The following STIM1 variants were observed in gnomAD, a reference collection of about 807,000 sequenced individuals.
The protein encoded by STIM1 is stromal interaction molecule 1.
Under a neutral mutation model 74.7 loss-of-function variants are expected in STIM1, and 25 were observed. That is an observed-to-expected ratio of 0.33 (90% CI 0.24 to 0.47). The LOEUF (loss-of-function observed/expected upper bound fraction) is 0.47, where lower values mean the gene tolerates loss of function less well. STIM1 is among the 20% of genes least tolerant of loss of function. The pLI is 1.00. For missense variants in STIM1, 728 were observed against 920.8 expected (o/e 0.79, Z 2.71); for synonymous variants, 328 against 348.8 (o/e 0.94, Z 0.66).
At chr11:4,064,055 T>C (rs913472756) in intron 5 of STIM1, among the ~76,000 whole-genome samples, 1 of 152,210 alleles carries the variant, frequency 6.6e-6, no homozygotes, top group Non-Finnish European at 1.5e-5. Context: ...AATGGGTTTG[T>C]TCATTAAAGG....
intron 1 of STIM1, among the ~76,000 whole-genome samples, chr11:3,864,434 G>C (rs187430813): frequency 8.5e-5 from 13 of 152,168 alleles, no homozygotes; most frequent in Admixed American, 6.5e-4. Flanking sequence ...ACTCTATTTG[G>C]GGGGAGAGTG....
intron 2 of STIM1, among the ~76,000 whole-genome samples, chr11:3,975,753 ATAT>A (rs2093441854): frequency 6.6e-6 from 1 of 152,258 alleles, no homozygotes; most frequent in South Asian, 2.1e-4. Flanking sequence ...AAGATACTCA[ATAT>A]TATTAACCAT....
intron 1 of STIM1, among the ~76,000 whole-genome samples, chr11:3,859,439 G>A (rs2090513820): frequency 6.6e-6 from 1 of 152,186 alleles, no homozygotes; most frequent in Non-Finnish European, 1.5e-5. Context: ...GCTTGGAACC[G>A]TCCTTAGACT....
rs2094475533 is a variant in STIM1 at position 4,083,408 on chromosome 11, G to A, written c.1384G>A (p.Gly462Ser). The change falls in exon 10 of 13, where the codon GGC (glycine) becomes AGC (serine). Residue 462 changes from glycine to serine, a missense_variant. Physicochemically the swap from Gly to Ser is moderately conservative, Grantham distance 56. This residue lies in a region of STIM1 where 352 missense variants were observed against 370.1 expected (regional missense o/e 0.95). Transcript: ENST00000526596. ...CCTCAACATAGACCCCAGCTGGATG[G>A]GCAGTACACGCCCCAACCCTGCTCA... is the stretch of plus-strand genomic sequence containing the variant. ...AALNIDPSWM[G>S]STRPNPAHFI... is the part of the protein sequence containing the mutation. The A allele has an allele frequency of 6.2e-7, 1 of 1,614,246 alleles. No individual in the cohort carries two copies. Among genetic ancestry groups the A allele is most frequent in the East Asian group, 2.2e-5 (1 of 44,878 alleles).
Position 3,866,313 on chromosome 11 carries a change from A to G in STIM1, c.139+9904A>G, listed in dbSNP as rs17277579. Among the ~76,000 whole-genome samples the G allele has an allele frequency of 4.5e-3, 679 of 152,214 alleles. 7 individuals are homozygous for G. Among genetic ancestry groups the G allele is most frequent in the Middle Eastern group, 0.017 (5 of 294 alleles). On this transcript the variant is annotated intron_variant, in intron 1 of 12. Transcript: ENST00000526596. Reference sequence around the variant, plus strand: ...CCTCTATGAAGTCTTTCCTGACACTAATTCTAGCTGTGAGATACTGCTGAC... The same window carrying G: ...CCTCTATGAAGTCTTTCCTGACACTGATTCTAGCTGTGAGATACTGCTGAC...
At position 4,086,683 on chromosome 11, in the gene STIM1, T is replaced by C. The variant is rs1221722368; in HGVS notation, c.1634+140T>C. ...ATCTGCCTCTGCTGCTGCTTCTTGC[T>C]CCTCTTCCATCACCACCATCACCAC... is the stretch of plus-strand genomic sequence containing the variant. On this transcript the variant is annotated intron_variant, in intron 12 of 12. Coordinates refer to ENST00000526596, the MANE Select transcript of STIM1 (RefSeq NM_001382567.1). 3 of 1,541,876 alleles carry C rather than the reference T, an allele frequency of 1.9e-6. No individual in the cohort carries two copies. The South Asian group carries it at 3.6e-5, about 18-fold the overall frequency.
intron 3 of STIM1, among the ~76,000 whole-genome samples, chr11:4,034,045 A>G (rs1356140443): frequency 6.6e-6 from 1 of 151,688 alleles, no homozygotes; most frequent in Admixed American, 6.6e-5. Flanking sequence ...CCTGGCCAAC[A>G]TTGTGAAACC....
rs372413786 is a variant in STIM1 at position 3,924,188 on chromosome 11, CTTTTT to C, written c.140-43359_140-43355del. On this transcript the variant is annotated intron_variant, in intron 1 of 12. Transcript: ENST00000526596. ...GTTGTCTTGTAGTGGTCTTATATAT[CTTTTT>C]TTTTCTTTTCTTTTTTTTTTTTTGA... Among the ~76,000 whole-genome samples, 218 of 145,910 alleles carry C rather than the reference CTTTTT, an allele frequency of 1.5e-3. 4 individuals carry two copies. In the East Asian group the frequency reaches 0.042, roughly 28 times the overall value.
At chr11:3,967,752 C>T in intron 2 of STIM1, 70 bp downstream of exon 2, 1 of 1,602,628 alleles carries the variant, frequency 6.2e-7, no homozygotes, top group Non-Finnish European at 8.5e-7. Flanking sequence ...GCTACTTAGA[C>T]AGCCTCTTCC....
At chr11:4,052,226 T>G (rs1169644738) in intron 3 of STIM1, among the ~76,000 whole-genome samples, 1 of 152,202 alleles carries the variant, frequency 6.6e-6, no homozygotes, top group Non-Finnish European at 1.5e-5. Context: ...AAGCTACCAA[T>G]GAATTTTTTC....
chr11:3,883,019 G>C (rs77816260), intron 1 of STIM1, among the ~76,000 whole-genome samples: 1 of 93,218 alleles, frequency 1.1e-5, no homozygotes, highest in Non-Finnish European at 2.9e-5. Flanking sequence ...TAAGTTGTTT[G>C]TTTTTTTGTT....
rs2091094644 is a variant in STIM1 at position 3,871,473 on chromosome 11, G to C, written c.139+15064G>C. 2.6e-5 allele frequency among the ~76,000 whole-genome samples: 4 copies of C among 152,140 alleles called. No individual in the cohort carries two copies. In the South Asian group the frequency reaches 8.3e-4, roughly 32 times the overall value. On this transcript the variant is annotated intron_variant, in intron 1 of 12. Coordinates refer to ENST00000526596, the MANE Select transcript of STIM1 (RefSeq NM_001382567.1). ...AGGGGTATTGTTAGGTAGTAGGGCT[G>C]TGGTTATGTCAGCTCTGTGTCATGG...
chr11:4,013,867 G>C (rs963375804), intron 2 of STIM1, among the ~76,000 whole-genome samples: 15 of 151,580 alleles, frequency 9.9e-5, no homozygotes, highest in African/African-American at 3.6e-4. Flanking sequence ...ACCATGCCTG[G>C]CTAATTTTTT....
At position 3,915,310 on chromosome 11, in the gene STIM1, G is replaced by A. The variant is rs575833031; in HGVS notation, c.140-52242G>A. On this transcript the variant is annotated intron_variant, in intron 1 of 12. Transcript: ENST00000526596. ...TTGCTATGTTGCCCAGGTGCATCTC[G>A]AATTCCCGGGCTCAAGCAATACACC... Among the ~76,000 whole-genome samples the A allele has an allele frequency of 5.3e-5, 8 of 152,088 alleles. No homozygotes were observed. The South Asian group carries it at 1.2e-3, about 24-fold the overall frequency.
intron 3 of STIM1, among the ~76,000 whole-genome samples, chr11:4,037,134 C>T (rs2094110555): frequency 6.6e-6 from 1 of 151,836 alleles, no homozygotes; most frequent in Admixed American, 6.6e-5. Flanking sequence ...CGGCTCACTG[C>T]AACCTCCGCC....
chr11:4,021,589 G>A (rs1314415046), intron 2 of STIM1, among the ~76,000 whole-genome samples: 1 of 152,148 alleles, frequency 6.6e-6, no homozygotes, highest in Non-Finnish European at 1.5e-5. Flanking sequence ...CTATTGTTTT[G>A]GAGAATATTT....
intron 2 of STIM1, among the ~76,000 whole-genome samples, chr11:3,968,401 A>G (rs903589042): frequency 2.0e-5 from 3 of 152,210 alleles, no homozygotes; most frequent in African/African-American, 7.2e-5. Flanking sequence ...ATAGTGATGT[A>G]GTTATATCAC....
At chr11:3,924,530 A>G (rs1235990507) in intron 1 of STIM1, among the ~76,000 whole-genome samples, 1 of 151,814 alleles carries the variant, frequency 6.6e-6, no homozygotes, top group Non-Finnish European at 1.5e-5. Flanking sequence ...TTTCCCCCCT[A>G]AGTATTTGAT....
chr11:4,072,166 C>G (rs2094407898), intron 6 of STIM1, among the ~76,000 whole-genome samples: 1 of 152,156 alleles, frequency 6.6e-6, no homozygotes, highest in African/African-American at 2.4e-5. Flanking sequence ...GCTTCCAGAG[C>G]TAAATGACCA....
Sources: allele counts gnomAD v4.1 joint callset (sites outside exome capture counted in the v4.1 genomes callset), GRCh38; gene constraint gnomAD v4.1.1; regional missense constraint gnomAD v4.1.1; transcripts MANE v1.5; gene names NCBI Gene and HGNC (gene_info 2026-07-23, HGNC 2026-07-21).